The following ACBD6 variants were observed in gnomAD, a reference collection of about 807,000 sequenced individuals.
The protein encoded by ACBD6 is acyl-CoA binding domain containing 6, also known as acyl-CoA-binding domain-containing protein 6.
ACBD6 carries 28 observed loss-of-function variants against 37.2 expected under a neutral mutation model. That is an observed-to-expected ratio of 0.75 (90% CI 0.56 to 1.03). The LOEUF (loss-of-function observed/expected upper bound fraction) is 1.03. Ranked by LOEUF, ACBD6 falls within the 50% of genes least tolerant of loss-of-function variation. ACBD6 has a pLI of 0.00. For synonymous variants in ACBD6, 113 were observed against 126.8 expected (o/e 0.89, Z 0.73); for missense variants, 340 against 337.4 (o/e 1.01, Z -0.06).
Position 180,420,452 on chromosome 1 carries a change from T to C in ACBD6, c.468-6981A>G, listed in dbSNP as rs77778479. On this transcript the variant is annotated intron_variant, in intron 4 of 7. Coordinates refer to ENST00000367595, the MANE Select transcript of ACBD6 (RefSeq NM_032360.4). ...CATAATGTTCTATCAGGGTTCTCTTTCGTGGTGTTGACAATCCTTTCCATA... is the reference window on the plus strand; with the variant it reads ...CATAATGTTCTATCAGGGTTCTCTTCCGTGGTGTTGACAATCCTTTCCATA... Among the ~76,000 whole-genome samples the C allele has an allele frequency of 2.5e-3, 382 of 152,346 alleles. 15 individuals are homozygous for C. The East Asian group carries it at 0.069, about 27-fold the overall frequency.
intron 13 of ACBD6, chr1:180,272,056 G>A (rs1377058608): frequency 1.3e-6 from 2 of 1,548,138 alleles, no homozygotes; most frequent in African/African-American, 1.4e-5. Context: ...AGTCCCCTGG[G>A]AATCTGTAAT....
intron 4 of ACBD6, among the ~76,000 whole-genome samples, chr1:180,429,097 G>A (rs1648711671): frequency 6.6e-6 from 1 of 152,142 alleles, no homozygotes; most frequent in Non-Finnish European, 1.5e-5. Context: ...GGTAAAATAT[G>A]ATCTTCACTA....
intron 5 of ACBD6, among the ~76,000 whole-genome samples, chr1:180,402,306 C>G (rs1647405710): frequency 1.3e-5 from 2 of 152,236 alleles, no homozygotes; most frequent in Middle Eastern, 6.8e-3. Context: ...GAAAGATAGT[C>G]TAACATCTCA....
intron 3 of ACBD6, among the ~76,000 whole-genome samples, chr1:180,454,790 T>C (rs1046522799): frequency 1.4e-4 from 22 of 152,104 alleles, no homozygotes; most frequent in Non-Finnish European, 2.9e-5. Context: ...CACTGGTCAT[T>C]AGAGAAATGC....
At chr1:180,497,433 A>C (rs1330852259) in intron 1 of ACBD6, among the ~76,000 whole-genome samples, 1 of 152,196 alleles carries the variant, frequency 6.6e-6, no homozygotes, top group Non-Finnish European at 1.5e-5. Flanking sequence ...GCCACCTCTG[A>C]CCATGAAAAA....
At chr1:180,386,740 C>T (rs886451968) in intron 6 of ACBD6, among the ~76,000 whole-genome samples, 4 of 151,972 alleles carry the variant, frequency 2.6e-5, no homozygotes, top group Non-Finnish European at 5.9e-5. Flanking sequence ...ATTATATTTG[C>T]AATTCTATAA....
intron 5 of ACBD6, among the ~76,000 whole-genome samples, chr1:180,409,986 G>A (rs1196293662): frequency 6.6e-6 from 1 of 152,196 alleles, no homozygotes; most frequent in Admixed American, 6.5e-5. Context: ...AATTAAAAGT[G>A]CTATTTCAGT....
At chr1:180,407,524 G>A (rs1018695664) in intron 5 of ACBD6, among the ~76,000 whole-genome samples, 1 of 152,176 alleles carries the variant, frequency 6.6e-6, no homozygotes, top group African/African-American at 2.4e-5. Context: ...ATGTGGATTT[G>A]ACTTCCAGTA....
chr1:180,408,377 G>T (rs1647715355), intron 5 of ACBD6, among the ~76,000 whole-genome samples: 1 of 152,154 alleles, frequency 6.6e-6, no homozygotes, highest in Admixed American at 6.6e-5. Flanking sequence ...TAGGGACATG[G>T]ATGAAATTGG....
intron 3 of ACBD6, among the ~76,000 whole-genome samples, chr1:180,451,927 C>G (rs573971220): frequency 6.6e-6 from 1 of 152,144 alleles, no homozygotes; most frequent in African/African-American, 2.4e-5. Context: ...GTTCAGTAAA[C>G]TACATTTAAA....
chr1:180,496,716 T>C (rs2102099883), intron 1 of ACBD6, among the ~76,000 whole-genome samples: 1 of 152,336 alleles, frequency 6.6e-6, no homozygotes, highest in African/African-American at 2.4e-5. Flanking sequence ...ATTAATTGCA[T>C]GGCCCTATGC....
chr1:180,466,732 T>A (rs1267625697), intron 3 of ACBD6, among the ~76,000 whole-genome samples: 1 of 152,202 alleles, frequency 6.6e-6, no homozygotes, highest in Non-Finnish European at 1.5e-5. Context: ...CTGCTGTCAT[T>A]TTAAGTACAT....
chr1:180,491,611 A>C (rs1651505532), intron 3 of ACBD6, among the ~76,000 whole-genome samples: 1 of 152,204 alleles, frequency 6.6e-6, no homozygotes, highest in Admixed American at 6.5e-5. Context: ...TTTTATCCCT[A>C]ATAAGCATTT....
chr1:180,302,239 T>C (rs1218213021), intron 7 of ACBD6, among the ~76,000 whole-genome samples: 1 of 152,136 alleles, frequency 6.6e-6, no homozygotes, highest in Non-Finnish European at 1.5e-5. Flanking sequence ...AATAGACTAG[T>C]ATCTACATAT....
chr1:180,501,489 G>A (rs1448972790), intron 1 of ACBD6, among the ~76,000 whole-genome samples: 1 of 152,070 alleles, frequency 6.6e-6, no homozygotes, highest in African/African-American at 2.4e-5. Context: ...CACCACGCTC[G>A]GCTAACTTAG....
At chr1:180,320,482 T>G (rs559087908) in intron 6 of ACBD6, among the ~76,000 whole-genome samples, 15 of 151,776 alleles carry the variant, frequency 9.9e-5, no homozygotes, top group African/African-American at 3.6e-4. Flanking sequence ...TTAAAAAATA[T>G]AAAAAAATTA....
intron 3 of ACBD6, among the ~76,000 whole-genome samples, chr1:180,432,680 A>C (rs1054221482): frequency 6.6e-6 from 1 of 152,200 alleles, no homozygotes; most frequent in Non-Finnish European, 1.5e-5. Context: ...TAGGTTAACT[A>C]AGAAAAAAGA....
downstream of ACBD6, chr1:180,288,166 T>C: frequency 3.0e-6 from 2 of 668,598 alleles, no homozygotes; most frequent in South Asian, 3.8e-5. Flanking sequence ...AGTACACATG[T>C]TCATCACCAA....
intron 1 of ACBD6, among the ~76,000 whole-genome samples, chr1:180,496,789 G>T (rs1289572391): frequency 6.6e-6 from 1 of 152,090 alleles, no homozygotes; most frequent in African/African-American, 2.4e-5. Context: ...GAGAAGAAAG[G>T]GTGAAAAAGA....
Sources: allele counts gnomAD v4.1 joint callset (sites outside exome capture counted in the v4.1 genomes callset), GRCh38; gene constraint gnomAD v4.1.1; transcripts MANE v1.5; gene names NCBI Gene and HGNC (gene_info 2026-07-23, HGNC 2026-07-21).